PRIM2: variants seen among roughly 807,000 people sequenced by gnomAD.
PRIM2 encodes the protein DNA primase subunit 2.
Under a neutral mutation model 67.3 loss-of-function variants are expected in PRIM2, and 39 were observed. That is an observed-to-expected ratio of 0.58 (90% CI 0.45 to 0.76). PRIM2 has a LOEUF of 0.76. Among genes scored for constraint, PRIM2 ranks in the 30% least tolerant of loss-of-function variants. The pLI is 0.00. For missense variants in PRIM2, 398 were observed against 598.7 expected, an observed-to-expected ratio of 0.66 and a Z score of 3.50; for synonymous variants, 143 against 198.7, an observed-to-expected ratio of 0.72 and a Z score of 2.36.
At chr6:57,239,575 C>T in the PRIM2 span, among the ~76,000 whole-genome samples, 1 of 152,042 alleles carries the variant, frequency 6.6e-6, no homozygotes, top group Non-Finnish European at 1.5e-5. Context: ...AATCCCATCT[C>T]TACAAAAAAT....
At chr6:57,490,404 A>C (rs1341858836) in intron 7 of PRIM2, among the ~76,000 whole-genome samples, 3 of 152,170 alleles carry the variant, frequency 2.0e-5, no homozygotes, top group Non-Finnish European at 4.4e-5. Flanking sequence ...AGTAGCTCAT[A>C]GCTTGTGTTG....
At chr6:57,557,419 A>G (rs1378221723) in intron 10 of PRIM2, among the ~76,000 whole-genome samples, 29 of 152,228 alleles carry the variant, frequency 1.9e-4, no homozygotes, top group African/African-American at 6.5e-4. Flanking sequence ...CACATATACC[A>G]TGGAATACTC....
intron 7 of PRIM2, among the ~76,000 whole-genome samples, chr6:57,455,521 ATC>A (rs1772737550): frequency 6.6e-6 from 1 of 152,124 alleles, no homozygotes; most frequent in African/African-American, 2.4e-5. Flanking sequence ...TGTTGAATTG[ATC>A]CCTTTACCAT....
chr6:57,531,864 G>C (rs1416497384), intron 8 of PRIM2, among the ~76,000 whole-genome samples: 1 of 152,096 alleles, frequency 6.6e-6, no homozygotes, highest in Non-Finnish European at 1.5e-5. Flanking sequence ...ACTGTAAAAT[G>C]CTATTCAGAT....
At chr6:57,525,673 A>T in intron 8 of PRIM2, among the ~76,000 whole-genome samples, 1 of 152,344 alleles carries the variant, frequency 6.6e-6, no homozygotes, top group Admixed American at 6.5e-5. Context: ...CTCTCTATTC[A>T]GTGCCATTGT....
At chr6:57,276,477 G>A in the PRIM2 span, among the ~76,000 whole-genome samples, 5 of 151,774 alleles carry the variant, frequency 3.3e-5, no homozygotes. Context: ...GCATACATAT[G>A]TATGTATGTA....
chr6:57,485,777 A>G (rs1250033595), intron 7 of PRIM2, among the ~76,000 whole-genome samples: 20 of 152,334 alleles, frequency 1.3e-4, no homozygotes, highest in Non-Finnish European at 2.6e-4. Flanking sequence ...ACAAAGGTTA[A>G]TTAATTCATT....
chr6:57,572,905 T>C (rs1347582180), intron 10 of PRIM2, among the ~76,000 whole-genome samples: 1 of 152,246 alleles, frequency 6.6e-6, no homozygotes. Flanking sequence ...TACTTAAGTT[T>C]GAAAAGTAAT....
At chr6:57,255,553 C>T in the PRIM2 span, among the ~76,000 whole-genome samples, 1 of 151,828 alleles carries the variant, frequency 6.6e-6, no homozygotes, top group African/African-American at 2.4e-5. Context: ...ATATTTCCAT[C>T]CTATTTCCAA....
chr6:57,463,264 G>A (rs1773067484), intron 7 of PRIM2, among the ~76,000 whole-genome samples: 1 of 152,226 alleles, frequency 6.6e-6, no homozygotes, highest in Admixed American at 6.5e-5. Flanking sequence ...GGCCAAGGCA[G>A]GAGGATCGCT....
At chr6:57,439,133 A>G in intron 7 of PRIM2, among the ~76,000 whole-genome samples, 1 of 152,208 alleles carries the variant, frequency 6.6e-6, no homozygotes. Flanking sequence ...GAAACTCTTT[A>G]TTATTTAAAA....
intron 7 of PRIM2, among the ~76,000 whole-genome samples, chr6:57,477,271 G>T (rs1383906543): frequency 1.3e-5 from 2 of 152,142 alleles, no homozygotes; most frequent in Non-Finnish European, 2.9e-5. Context: ...GGGATTATAG[G>T]CATGAGCTAC....
intron 7 of PRIM2, chr6:57,382,678 T>A (rs1287582669): frequency 6.6e-6 from 1 of 152,238 alleles, no homozygotes; most frequent in Admixed American, 6.5e-5. Context: ...CAGTGATTTT[T>A]AAGTAGTTTG....
chr6:57,312,548 T>C (rs1767409261), upstream of PRIM2, among the ~76,000 whole-genome samples: 1 of 152,186 alleles, frequency 6.6e-6, no homozygotes, highest in South Asian at 2.1e-4. Flanking sequence ...TCCCTTAAGT[T>C]CTTAATTTAA....
At chr6:57,645,134 A>T (rs1777311699) in intron 13 of PRIM2, among the ~76,000 whole-genome samples, 1 of 152,162 alleles carries the variant, frequency 6.6e-6, no homozygotes, top group African/African-American at 2.4e-5. Context: ...CAGACTTACA[A>T]GTCAGCTCTA....
intron 5 of PRIM2, among the ~76,000 whole-genome samples, chr6:57,370,308 G>A (rs1769501442): frequency 6.6e-6 from 1 of 152,046 alleles, no homozygotes; most frequent in Non-Finnish European, 1.5e-5. Flanking sequence ...CTTATATTTT[G>A]TCCAATAGTT....
chr6:57,638,889 G>C (rs2127501054), intron 13 of PRIM2, among the ~76,000 whole-genome samples: 2 of 152,208 alleles, frequency 1.3e-5, no homozygotes, highest in African/African-American at 4.8e-5. Flanking sequence ...CTTCAACTCA[G>C]CTCTGGACCA....
chr6:57,344,670 A>C (rs902943965), intron 5 of PRIM2, among the ~76,000 whole-genome samples: 2 of 152,240 alleles, frequency 1.3e-5, no homozygotes, highest in Non-Finnish European at 2.9e-5. Context: ...AGTTACAGTA[A>C]AATATTGATA....
chr6:57,490,567 G>A (rs1217534505), intron 7 of PRIM2, among the ~76,000 whole-genome samples: 2 of 152,100 alleles, frequency 1.3e-5, no homozygotes, highest in African/African-American at 4.8e-5. Flanking sequence ...AATGTATTCA[G>A]CAATAAAGGA....
Sources: allele counts gnomAD v4.1 joint callset (sites outside exome capture counted in the v4.1 genomes callset), GRCh38; gene constraint gnomAD v4.1.1; transcripts MANE v1.5; gene names NCBI Gene and HGNC (gene_info 2026-07-23, HGNC 2026-07-21).